Variants in FMC1 observed in about 807,000 individuals in gnomAD.
FMC1 encodes the protein formation of mitochondrial complex V assembly factor 1.
Under a neutral mutation model 10.5 loss-of-function variants are expected in FMC1, and 6 were observed. The observed-to-expected ratio is 0.57, with a 90% confidence interval of 0.31 to 1.12. The LOEUF (loss-of-function observed/expected upper bound fraction) is 1.12, where lower values mean the gene tolerates loss of function less well. FMC1 is among the 50% of genes most tolerant of loss of function. FMC1 has a pLI of 0.05. For synonymous variants in FMC1, 59 were observed against 62.1 expected (o/e 0.95, Z 0.24); for missense variants, 146 against 151.7 (o/e 0.96, Z 0.20).
At chr7:139,341,979 C>T (rs922729310) in intron 1 of FMC1, among the ~76,000 whole-genome samples, 4 of 152,140 alleles carry the variant, frequency 2.6e-5, no homozygotes, top group African/African-American at 7.2e-5. Context: ...CTTTTTGAGG[C>T]GGAAAAGAAC....
At chr7:139,343,883 G>T (rs533675483) in intron 1 of FMC1, among the ~76,000 whole-genome samples, 1 of 142,040 alleles carries the variant, frequency 7.0e-6, no homozygotes, top group African/African-American at 2.8e-5. Context: ...CCATGTTCAC[G>T]CTATTGCACT....
chr7:139,341,724 G>C (rs996805783), intron 1 of FMC1, among the ~76,000 whole-genome samples: 5 of 152,210 alleles, frequency 3.3e-5, no homozygotes, highest in Admixed American at 2.0e-4. Flanking sequence ...AGCGGGGGGG[G>C]GCGCAGAGTC....
chr7:139,343,964 A>T (rs1013396730), intron 1 of FMC1, among the ~76,000 whole-genome samples: 2 of 148,488 alleles, frequency 1.3e-5, no homozygotes, highest in Non-Finnish European at 3.0e-5. Context: ...TGGGGGGCGT[A>T]TTATGTAGGC....
upstream of FMC1, among the ~76,000 whole-genome samples, chr7:139,340,773 G>A (rs1039814519): frequency 1.1e-4 from 17 of 152,156 alleles, no homozygotes; most frequent in South Asian, 1.9e-3. Context: ...ATCTGGGGTG[G>A]CCTGTGACTT....
In FMC1 at chr7:139,341,350, G is replaced by A; in HGVS notation, c.-35G>A. 1.3e-6 allele frequency: 2 copies of A among 1,588,004 alleles called. No individual in the cohort carries two copies. Among genetic ancestry groups the A allele is most frequent in the South Asian group, 1.1e-5 (1 of 90,254 alleles). ...GGAGGGGTTTTCAGGGTCGTAGGACGCCGTTGGGCACCACGCTCGGAGAAG... is the reference window on the plus strand; with the variant it reads ...GGAGGGGTTTTCAGGGTCGTAGGACACCGTTGGGCACCACGCTCGGAGAAG... On this transcript the variant is annotated 5_prime_UTR_variant, in exon 1 of 2. Coordinates refer to ENST00000297534, the MANE Select transcript of FMC1 (RefSeq NM_197964.5).
chr7:139,342,634 G>C (rs1563246910), intron 1 of FMC1, among the ~76,000 whole-genome samples: 1 of 152,168 alleles, frequency 6.6e-6, no homozygotes, highest in Non-Finnish European at 1.5e-5. Context: ...GGCTAATTTT[G>C]TATTTTTAGT....
rs564493279 is a variant in FMC1 at position 139,346,241 on chromosome 7, C to CAA, written c.*552_*553dup. ...GGGCAACAAGAGCAAAACTCTGTCT[C>CAA]AAAAAAAAAAAAAAAATTAGTATAA... On this transcript the variant is annotated 3_prime_UTR_variant, in exon 2 of 2. Transcript: ENST00000297534. The CAA allele has an allele frequency of 0.16, 20,123 of 123,830 alleles. 3,534 individuals are homozygous for CAA. Among genetic ancestry groups the CAA allele is most frequent in the African/African-American group, 0.44 (15,824 of 36,284 alleles). The allele number at this position is 123,830 out of a possible 1,614,324, so 7.7% of individuals were successfully genotyped here. A position where few individuals can be genotyped will look rare whatever the true frequency, so the allele number is the denominator to read the frequency against.
At chr7:139,344,756 G>A (rs535762747) in intron 1 of FMC1, 20 of 138,486 alleles carry the variant, frequency 1.4e-4, no homozygotes, top group Admixed American at 4.6e-4. Flanking sequence ...AGACTGGAGT[G>A]CAGTGGCCCG....
chr7:139,341,099 C>A, upstream of FMC1: 2 of 333,696 alleles, frequency 6.0e-6, no homozygotes, highest in Non-Finnish European at 1.0e-5. Flanking sequence ...CGGGCATCTT[C>A]AATGACGCAG....
At chr7:139,342,299 G>A (rs1443627285) in intron 1 of FMC1, among the ~76,000 whole-genome samples, 1 of 152,142 alleles carries the variant, frequency 6.6e-6, no homozygotes, top group Non-Finnish European at 1.5e-5. Flanking sequence ...AGAAGGGGTA[G>A]TTAGGGAAGG....
chr7:139,340,977 A>T (rs528297619), upstream of FMC1, among the ~76,000 whole-genome samples: 3 of 152,108 alleles, frequency 2.0e-5, no homozygotes, highest in South Asian at 6.2e-4. Context: ...GAATTTTGAT[A>T]TCCCTTTTAT....
In FMC1 at chr7:139,345,621, G is replaced by C; in HGVS notation, c.259G>C (p.Gly87Arg). 1 of 1,614,140 alleles carries C rather than the reference G, an allele frequency of 6.2e-7. No individual in the cohort carries two copies. Residue 87 changes from glycine (G) to arginine (R), a missense_variant, in exon 2 of 2, where the codon GGT (glycine) becomes CGT (arginine). Physicochemically the swap from Gly to Arg is moderately radical, Grantham distance 125. Coordinates refer to ENST00000297534, the MANE Select transcript of FMC1 (RefSeq NM_197964.5). The stretch of plus-strand genomic sequence containing the variant: ...CCTACATCAGGAATTTCATGGCAAG[G>C]GTGAGCGCTCGGTGGAGGAGTCTGC... ...VALHQEFHGK[G>R]ERSVEESAGL...
At chr7:139,341,045 C>G (rs186975421), upstream of FMC1, 237 of 231,412 alleles carry the variant, frequency 1.0e-3, no homozygotes, top group Non-Finnish European at 1.6e-3. Flanking sequence ...CCCACACCCC[C>G]CGCCGGGCCC....
At chr7:139,340,538 A>T, upstream of FMC1, 1 of 398,426 alleles carries the variant, frequency 2.5e-6, no homozygotes. Context: ...TGGCGCGGTG[A>T]TGTGGACTTT....
intron 1 of FMC1, among the ~76,000 whole-genome samples, 198 bp downstream of exon 1, chr7:139,341,720 G>T (rs561687926): frequency 0.021 from 3,125 of 152,316 alleles, 35 homozygotes; most frequent in South Asian, 0.051. Context: ...GACCAGCGGG[G>T]GGGGGCGCAG....
chr7:139,344,011 C>T (rs1799136261), intron 1 of FMC1, among the ~76,000 whole-genome samples: 1 of 151,812 alleles, frequency 6.6e-6, no homozygotes, highest in Non-Finnish European at 1.5e-5. Context: ...GGACATGGCT[C>T]CTTTAGTCCC....
At chr7:139,341,781 A>T (rs1420139735) in intron 1 of FMC1, among the ~76,000 whole-genome samples, 1 of 152,162 alleles carries the variant, frequency 6.6e-6, no homozygotes, top group Non-Finnish European at 1.5e-5. Context: ...ACCCGTCCCG[A>T]AGGATTTCAT....
At position 139,345,596 on chromosome 7, in the gene FMC1, C is replaced by T; in HGVS notation, c.234C>T (p.Ala78=). The change falls in exon 2 of 2, where the codon GCC becomes GCT. Residue 78 remains alanine (A), a synonymous_variant. Coordinates refer to ENST00000297534, the MANE Select transcript of FMC1 (RefSeq NM_197964.5). Reference sequence around the variant, plus strand: ...TGCGTAGCATCCGGAAACATGTGGCCCTACATCAGGAATTTCATGGCAAGG... The same window carrying T: ...TGCGTAGCATCCGGAAACATGTGGCTCTACATCAGGAATTTCATGGCAAGG... The part of the protein sequence containing the change: ...CLLRSIRKHV[A]LHQEFHGKGE... The T allele has an allele frequency of 6.2e-7, 1 of 1,614,034 alleles. No homozygotes were observed. The highest frequency in any genetic ancestry group is 1.1e-5 in the South Asian group (1 of 91,048).
At chr7:139,340,746 T>C, upstream of FMC1, 1 of 377,942 alleles carries the variant, frequency 2.6e-6, no homozygotes, top group Admixed American at 4.5e-5. Flanking sequence ...AAGCCAGGGA[T>C]TGTGGGTTCG....
Sources: gnomAD v4.1 joint callset for allele counts (sites outside exome capture counted in the v4.1 genomes callset) on GRCh38, gnomAD v4.1.1 for gene constraint, MANE v1.5 for transcripts, NCBI Gene and HGNC (gene_info 2026-07-23, HGNC 2026-07-21) for gene names.